TRABD2B: variants seen among roughly 807,000 people sequenced by gnomAD.
The protein encoded by TRABD2B is metalloprotease TIKI2.
Under a neutral mutation model 40.1 loss-of-function variants are expected in TRABD2B, and 14 were observed. The observed-to-expected ratio is 0.35, with a 90% CI of 0.23 to 0.55. TRABD2B has a LOEUF of 0.55. Among genes scored for constraint, TRABD2B ranks in the 20% least tolerant of loss-of-function variants. The pLI is 0.90. For missense variants in TRABD2B, 541 were observed against 648.6 expected, an observed-to-expected ratio of 0.83 and a Z score of 1.80; for synonymous variants, 263 against 277.0, an observed-to-expected ratio of 0.95 and a Z score of 0.50.
Position 47,971,950 on chromosome 1 carries a change from A to ATCTCT in TRABD2B, c.666+22083_666+22084insAGAGA, listed in dbSNP as rs1475746277. On this transcript the variant is annotated intron_variant, in intron 2 of 6. Transcript: ENST00000606738. ...TGGAGCACAAACAGATGAAAGAGCC[A>ATCTCT]ACAGTGAGATGGACTATCAGCAGAG... 5.9e-5 allele frequency among the ~76,000 whole-genome samples: 9 copies of ATCTCT among 152,328 alleles called. 1 individual carries two copies. In the South Asian group the frequency reaches 1.7e-3, roughly 28 times the overall value.
At chr1:47,792,170 G>A (rs1016433541) in intron 4 of TRABD2B, among the ~76,000 whole-genome samples, 1 of 152,222 alleles carries the variant, frequency 6.6e-6, no homozygotes, top group Admixed American at 6.5e-5. Context: ...TGAGAGCGGA[G>A]GTGAGTCTCC....
chr1:47,974,519 T>A (rs1261335940), intron 2 of TRABD2B, among the ~76,000 whole-genome samples: 1 of 152,190 alleles, frequency 6.6e-6, no homozygotes, highest in Non-Finnish European at 1.5e-5. Context: ...TATACCCTTA[T>A]CATGACCTAA....
chr1:47,920,022 C>T (rs1644881209), intron 2 of TRABD2B, among the ~76,000 whole-genome samples: 1 of 152,200 alleles, frequency 6.6e-6, no homozygotes, highest in African/African-American at 2.4e-5. Context: ...AGACTTTACA[C>T]AGAAAGCTCA....
chr1:47,772,364 G>A (rs1238661874), intron 6 of TRABD2B, among the ~76,000 whole-genome samples: 2 of 151,746 alleles, frequency 1.3e-5, no homozygotes, highest in Non-Finnish European at 2.9e-5. Flanking sequence ...GTGGGACGGG[G>A]CACCTCGGGT....
chr1:47,830,611 A>T (rs1233824053), intron 2 of TRABD2B, among the ~76,000 whole-genome samples: 3 of 152,222 alleles, frequency 2.0e-5, no homozygotes, highest in Non-Finnish European at 2.9e-5. Context: ...TTTGACAAGT[A>T]CAAAGCTCTA....
chr1:47,825,850 G>C (rs1645167106), intron 2 of TRABD2B, among the ~76,000 whole-genome samples: 1 of 151,842 alleles, frequency 6.6e-6, no homozygotes, highest in South Asian at 2.1e-4. Flanking sequence ...CTTGGACTGG[G>C]AGTCAGGAGC....
intron 2 of TRABD2B, among the ~76,000 whole-genome samples, chr1:47,906,557 G>A (rs942930217): frequency 2.6e-5 from 4 of 152,264 alleles, no homozygotes; most frequent in African/African-American, 2.4e-5. Context: ...GGATTCGAGC[G>A]TAGCAGGGCT....
chr1:47,865,482 T>C (rs1408504664), intron 2 of TRABD2B, among the ~76,000 whole-genome samples: 1 of 152,128 alleles, frequency 6.6e-6, no homozygotes, highest in Admixed American at 6.5e-5. Flanking sequence ...TCACTGAAGG[T>C]TGAACAGTTA....
At chr1:47,838,958 T>G (rs1645356491) in intron 2 of TRABD2B, among the ~76,000 whole-genome samples, 1 of 152,204 alleles carries the variant, frequency 6.6e-6, no homozygotes, top group Non-Finnish European at 1.5e-5. Flanking sequence ...CTGGGCTGTT[T>G]CTGTCTGCCC....
At chr1:47,793,862 C>T (rs1248213422) in intron 4 of TRABD2B, among the ~76,000 whole-genome samples, 3 of 152,082 alleles carry the variant, frequency 2.0e-5, no homozygotes, top group African/African-American at 7.2e-5. Flanking sequence ...GAGCCCTGCA[C>T]CTGAACATGT....
chr1:47,824,808 G>C (rs1191762545), intron 2 of TRABD2B, among the ~76,000 whole-genome samples: 1 of 152,180 alleles, frequency 6.6e-6, no homozygotes, highest in Non-Finnish European at 1.5e-5. Flanking sequence ...CTAATCATGG[G>C]CAGTTACCAG....
intron 2 of TRABD2B, among the ~76,000 whole-genome samples, chr1:47,801,901 C>T (rs1441105935): frequency 6.6e-6 from 1 of 152,190 alleles, no homozygotes; most frequent in African/African-American, 2.4e-5. Context: ...AAAATGAGAA[C>T]CCAACTTGTG....
chr1:47,929,902 C>T (rs1645017132), intron 2 of TRABD2B, among the ~76,000 whole-genome samples: 1 of 152,232 alleles, frequency 6.6e-6, no homozygotes, highest in African/African-American at 2.4e-5. Context: ...AGCTCCATGT[C>T]CTGAGCCAAA....
rs1459038522 is a variant in TRABD2B, at chr1:47,801,406, C to T, written c.813+67G>A. ...TTGCCATGGCTGGAGAGAAGATTAC[C>T]TATGCCTGGCACGTCATAGGGATCT... On this transcript the variant is annotated intron_variant, in intron 3 of 6. Transcript: ENST00000606738. 7 of 1,465,852 alleles carry T rather than the reference C, an allele frequency of 4.8e-6. No homozygotes were observed. In the South Asian group the frequency reaches 6.3e-5, roughly 13 times the overall value. 90.8% of individuals were successfully genotyped at this position (1,465,852 alleles called of 1,614,324 possible).
intron 2 of TRABD2B, among the ~76,000 whole-genome samples, chr1:47,945,094 T>C (rs1645242916): frequency 6.6e-6 from 1 of 152,316 alleles, no homozygotes; most frequent in South Asian, 2.1e-4. Flanking sequence ...GCCACGGGAC[T>C]GATTCAGACT....
intron 2 of TRABD2B, among the ~76,000 whole-genome samples, chr1:47,883,118 C>T: frequency 6.6e-6 from 1 of 152,058 alleles, no homozygotes; most frequent in East Asian, 1.9e-4. Context: ...CTTATCTTAC[C>T]CACTCTTTAC....
intron 2 of TRABD2B, among the ~76,000 whole-genome samples, chr1:47,838,672 T>G (rs921484814): frequency 2.0e-5 from 3 of 152,172 alleles, no homozygotes; most frequent in Non-Finnish European, 4.4e-5. Flanking sequence ...GGAGACGCAG[T>G]GTAAACCACA....
At chr1:47,821,122 G>A (rs1484408891) in intron 2 of TRABD2B, among the ~76,000 whole-genome samples, 1 of 152,132 alleles carries the variant, frequency 6.6e-6, no homozygotes, top group Non-Finnish European at 1.5e-5. Context: ...GAGCTGAAAC[G>A]GCCTCCTGTT....
At chr1:47,968,367 T>A (rs1351016929) in intron 2 of TRABD2B, among the ~76,000 whole-genome samples, 1 of 152,172 alleles carries the variant, frequency 6.6e-6, no homozygotes, top group African/African-American at 2.4e-5. Flanking sequence ...CTCCCCCTAC[T>A]ACTCAAGTCC....
Sources: gnomAD v4.1 joint callset for allele counts (sites outside exome capture counted in the v4.1 genomes callset) on GRCh38, gnomAD v4.1.1 for gene constraint, MANE v1.5 for transcripts, NCBI Gene and HGNC (gene_info 2026-07-23, HGNC 2026-07-21) for gene names.